Variants in EEFSEC observed in about 807,000 individuals in gnomAD.
EEFSEC encodes eukaryotic elongation factor, selenocysteine-tRNA specific.
A neutral mutation model predicts 42.1 loss-of-function variants in EEFSEC; 43 were observed. The ratio of observed to expected loss-of-function variants is 1.02; its 90% CI spans 0.80 to 1.32. EEFSEC has a LOEUF of 1.32. Ranked by LOEUF, EEFSEC falls within the 40% of genes most tolerant of loss-of-function variation. The pLI is 0.00. For missense variants in EEFSEC, 745 were observed against 803.6 expected (o/e 0.93, Z 0.88); for synonymous variants, 354 against 339.1 (o/e 1.04, Z -0.48).
chr3:128,350,723 A>G (rs1192017336), intron 5 of EEFSEC, among the ~76,000 whole-genome samples: 1 of 152,192 alleles, frequency 6.6e-6, no homozygotes, highest in Non-Finnish European at 1.5e-5. Context: ...AGTTCTGGAA[A>G]CTGATGGACT....
rs1363666582 is a variant in EEFSEC at position 128,364,197 on chromosome 3, T to A, written c.1600+5824T>A. On this transcript the variant is annotated intron_variant, in intron 6 of 6. Transcript: ENST00000254730. ...GTCCATTTAGCTCGGCAAACTTAGT[T>A]GAGGCTTAGGGCTCGGGCGGGGGAT... Among the ~76,000 whole-genome samples the A allele has an allele frequency of 2.0e-5, 3 of 152,198 alleles. No homozygotes were observed. The East Asian group carries it at 5.8e-4, about 29-fold the overall frequency.
At position 128,213,984 on chromosome 3, in the gene EEFSEC, A is replaced by G. The variant is rs2065785100; in HGVS notation, c.317-32852A>G. On this transcript the variant is annotated intron_variant, in intron 1 of 6. Transcript: ENST00000254730. The stretch of plus-strand genomic sequence containing the variant: ...AGGAAACTAAAGACAACAAATCTGG[A>G]AGATATAAAGAACACCTCTGAAAGA... Among the ~76,000 whole-genome samples the G allele has an allele frequency of 2.6e-5, 4 of 152,210 alleles. No homozygotes were observed. The South Asian group carries it at 8.3e-4, about 31-fold the overall frequency.
chr3:128,274,017 C>T (rs1445855708), intron 4 of EEFSEC, among the ~76,000 whole-genome samples: 1 of 152,210 alleles, frequency 6.6e-6, no homozygotes, highest in Non-Finnish European at 1.5e-5. Context: ...AGCCCTGCCC[C>T]AGCCCAACCA....
chr3:128,364,212 G>A (rs973254582), intron 6 of EEFSEC, among the ~76,000 whole-genome samples: 4 of 152,182 alleles, frequency 2.6e-5, no homozygotes, highest in African/African-American at 4.8e-5. Flanking sequence ...CTTAGGGCTC[G>A]GGCGGGGGAT....
At chr3:128,239,318 G>A (rs1470441489) in intron 1 of EEFSEC, among the ~76,000 whole-genome samples, 4 of 152,216 alleles carry the variant, frequency 2.6e-5, no homozygotes, top group African/African-American at 9.7e-5. Flanking sequence ...CAGTTCTTGA[G>A]CTCTTACTGT....
chr3:128,193,848 A>G (rs1559862877), intron 1 of EEFSEC, among the ~76,000 whole-genome samples: 1 of 152,172 alleles, frequency 6.6e-6, no homozygotes, highest in Non-Finnish European at 1.5e-5. Context: ...AGGGACTCTG[A>G]TATCAGCAGA....
chr3:128,283,384 CAAGTG>C (rs1342448028), intron 4 of EEFSEC, among the ~76,000 whole-genome samples: 2 of 152,246 alleles, frequency 1.3e-5, no homozygotes, highest in Non-Finnish European at 2.9e-5. Context: ...CTTGCTTCCA[CAAGTG>C]AAAAGTCAGG....
intron 1 of EEFSEC, among the ~76,000 whole-genome samples, chr3:128,240,090 G>C (rs2066054223): frequency 6.6e-6 from 1 of 152,252 alleles, no homozygotes; most frequent in East Asian, 1.9e-4. Flanking sequence ...GTGGGTGCTA[G>C]GTCACAGGCA....
At chr3:128,162,849 A>T (rs936555451) in intron 1 of EEFSEC, among the ~76,000 whole-genome samples, 1 of 152,220 alleles carries the variant, frequency 6.6e-6, no homozygotes, top group South Asian at 2.1e-4. Context: ...TCAAAGTCAG[A>T]AGGAAATCAT....
At chr3:128,376,665 C>T (rs1185010283) in intron 6 of EEFSEC, among the ~76,000 whole-genome samples, 3 of 152,158 alleles carry the variant, frequency 2.0e-5, no homozygotes, top group African/African-American at 7.2e-5. Context: ...GTTGCAAATA[C>T]ATCATTCATC....
At chr3:128,335,839 C>T (rs569782950) in intron 4 of EEFSEC, among the ~76,000 whole-genome samples, 1 of 152,156 alleles carries the variant, frequency 6.6e-6, no homozygotes, top group East Asian at 1.9e-4. Context: ...AAGGTAGAGC[C>T]GACCCTGTCT....
chr3:128,277,781 G>T (rs1439355428), intron 4 of EEFSEC, among the ~76,000 whole-genome samples: 1 of 152,242 alleles, frequency 6.6e-6, no homozygotes, highest in African/African-American at 2.4e-5. Context: ...GCCTTCCCAG[G>T]ACAGGGGAGA....
intron 6 of EEFSEC, among the ~76,000 whole-genome samples, chr3:128,403,290 G>T (rs1023162547): frequency 3.0e-4 from 46 of 152,316 alleles, no homozygotes; most frequent in African/African-American, 1.1e-3. Flanking sequence ...CAGGCCAGGT[G>T]TGCAGAAGGG....
intron 6 of EEFSEC, among the ~76,000 whole-genome samples, chr3:128,365,394 G>A (rs756211547): frequency 4.6e-5 from 7 of 152,216 alleles, no homozygotes; most frequent in Non-Finnish European, 1.0e-4. Flanking sequence ...GCTCCCTTCT[G>A]ATTGGGACCA....
chr3:128,191,882 C>T (rs984925194), intron 1 of EEFSEC, among the ~76,000 whole-genome samples: 11 of 152,086 alleles, frequency 7.2e-5, no homozygotes, highest in Admixed American at 2.0e-4. Context: ...GGGTTGTTTC[C>T]ACCTTTTGCC....
intron 1 of EEFSEC, among the ~76,000 whole-genome samples, chr3:128,161,626 GTC>G (rs942906965): frequency 7.9e-5 from 12 of 152,176 alleles, no homozygotes; most frequent in African/African-American, 2.9e-4. Context: ...CAAGATTTTT[GTC>G]TCTGCAGCCT....
chr3:128,334,568 C>G (rs2067169456), intron 4 of EEFSEC, among the ~76,000 whole-genome samples: 1 of 152,232 alleles, frequency 6.6e-6, no homozygotes, highest in African/African-American at 2.4e-5. Context: ...TTTCTTCATC[C>G]ATAAAATTGA....
intron 5 of EEFSEC, among the ~76,000 whole-genome samples, chr3:128,344,381 A>G (rs901382767): frequency 2.6e-5 from 4 of 152,254 alleles, no homozygotes; most frequent in Non-Finnish European, 4.4e-5. Context: ...ATTATGTGCA[A>G]ATATTTAGGA....
chr3:128,309,344 GA>G (rs892160446), intron 4 of EEFSEC, among the ~76,000 whole-genome samples: 5 of 152,140 alleles, frequency 3.3e-5, no homozygotes, highest in African/African-American at 1.2e-4. Flanking sequence ...GTTAGAGGAA[GA>G]AATGGGAAAG....
Sources: gnomAD v4.1 joint callset for allele counts (sites outside exome capture counted in the v4.1 genomes callset) on GRCh38, gnomAD v4.1.1 for gene constraint, MANE v1.5 for transcripts, NCBI Gene and HGNC (gene_info 2026-07-23, HGNC 2026-07-21) for gene names.